Variants in SLC22A15 observed in about 807,000 individuals in gnomAD.
SLC22A15 encodes flipt 1.
In SLC22A15, 45 loss-of-function variants were observed where a neutral mutation model predicts 62.7. The ratio of observed to expected loss-of-function variants is 0.72; its 90% CI spans 0.56 to 0.92. The LOEUF (loss-of-function observed/expected upper bound fraction) is 0.92. SLC22A15 is among the 40% of genes least tolerant of loss of function. SLC22A15 has a pLI of 0.00. For missense variants in SLC22A15, 622 were observed against 665.6 expected (o/e 0.93, Z 0.72); for synonymous variants, 264 against 267.0 (o/e 0.99, Z 0.11).
intron 9 of SLC22A15, 33 bp from the exon 10 acceptor site, chr1:116,064,403 A>G: frequency 6.5e-7 from 1 of 1,549,608 alleles, no homozygotes; most frequent in African/African-American, 1.4e-5. Flanking sequence ...CTCCGCTAGA[A>G]CTTACTGATG....
chr1:116,017,065 G>A (rs1205517894), intron 2 of SLC22A15, among the ~76,000 whole-genome samples: 1 of 152,154 alleles, frequency 6.6e-6, no homozygotes, highest in African/African-American at 2.4e-5. Flanking sequence ...ATGCCCACCT[G>A]CTTCACTGGC....
chr1:116,063,019 G>T, intron 9 of SLC22A15, 137 bp downstream of exon 9: 1 of 1,143,554 alleles, frequency 8.7e-7, no homozygotes, highest in African/African-American at 1.5e-5. Context: ...AGCAGTTTAG[G>T]GTGAGAGCTT....
intron 1 of SLC22A15, among the ~76,000 whole-genome samples, chr1:115,986,816 G>A (rs1654887209): frequency 6.6e-6 from 1 of 152,164 alleles, no homozygotes; most frequent in Non-Finnish European, 1.5e-5. Context: ...ACTGAAGATG[G>A]GTTAATATGA....
At chr1:116,003,713 T>C (rs2101154626) in intron 2 of SLC22A15, among the ~76,000 whole-genome samples, 1 of 152,316 alleles carries the variant, frequency 6.6e-6, no homozygotes, top group East Asian at 1.9e-4. Flanking sequence ...GGAAGGGTAG[T>C]GTCAGCAATT....
At chr1:115,978,408 A>G (rs1361563416) in intron 1 of SLC22A15, among the ~76,000 whole-genome samples, 2 of 152,220 alleles carry the variant, frequency 1.3e-5, no homozygotes, top group African/African-American at 2.4e-5. Context: ...TTCCAAGCCC[A>G]TGCCTATGAC....
intron 10 of SLC22A15, among the ~76,000 whole-genome samples, chr1:116,064,803 ACTTCTGC>A (rs1014880260): frequency 4.6e-5 from 7 of 152,234 alleles, no homozygotes; most frequent in Non-Finnish European, 8.8e-5. Flanking sequence ...TATGTATGAC[ACTTCTGC>A]TGTGTGCTGG....
At position 116,040,719 on chromosome 1, in the gene SLC22A15, C is replaced by T. The variant is rs575512628; in HGVS notation, c.1171+3331C>T. ...GCAGCCTTGACCTCTTGGGCTCAAG[C>T]AGTCTTACCACCTCAGTCTCCTGAG... is the stretch of plus-strand genomic sequence containing the variant. On this transcript the variant is annotated intron_variant, in intron 8 of 11. Coordinates refer to ENST00000369503, the MANE Select transcript of SLC22A15 (RefSeq NM_018420.3). Among the ~76,000 whole-genome samples, 12 of 152,280 alleles carry T rather than the reference C, an allele frequency of 7.9e-5. 1 individual carries two copies. The East Asian group carries it at 1.2e-3, about 15-fold the overall frequency.
chr1:116,044,056 A>G (rs986730041), intron 8 of SLC22A15, among the ~76,000 whole-genome samples: 1 of 152,224 alleles, frequency 6.6e-6, no homozygotes, highest in Non-Finnish European at 1.5e-5. Flanking sequence ...ACACTTTTCC[A>G]GAAAATAAAG....
intron 1 of SLC22A15, among the ~76,000 whole-genome samples, chr1:115,986,880 A>G (rs1055725745): frequency 2.0e-5 from 3 of 152,230 alleles, no homozygotes; most frequent in African/African-American, 7.2e-5. Flanking sequence ...AACTGGAAGA[A>G]AACGAAACAG....
intron 8 of SLC22A15, among the ~76,000 whole-genome samples, chr1:116,047,602 C>T (rs551322986): frequency 6.6e-6 from 1 of 152,260 alleles, no homozygotes; most frequent in South Asian, 2.1e-4. Context: ...CAGGTAGACT[C>T]ACTGGGTGGC....
At chr1:116,022,952 C>G (rs1377255150) in intron 4 of SLC22A15, among the ~76,000 whole-genome samples, 1 of 152,094 alleles carries the variant, frequency 6.6e-6, no homozygotes, top group East Asian at 1.9e-4. Flanking sequence ...CGAGGTCTTC[C>G]CCAGGGTTTT....
intron 8 of SLC22A15, among the ~76,000 whole-genome samples, chr1:116,038,073 G>T (rs1229863758): frequency 6.6e-6 from 1 of 152,258 alleles, no homozygotes; most frequent in South Asian, 2.1e-4. Flanking sequence ...CACACCTGAG[G>T]TATGACAGTG....
intron 8 of SLC22A15, 21 bp from the exon 9 acceptor site, chr1:116,062,741 C>A (rs2101571987): frequency 6.2e-7 from 1 of 1,613,512 alleles, no homozygotes; most frequent in African/African-American, 1.3e-5. Context: ...GTCTCACAGG[C>A]ATTGCCCTTG....
intron 2 of SLC22A15, among the ~76,000 whole-genome samples, chr1:116,006,380 TAGTTAAAG>T: frequency 6.6e-6 from 1 of 152,184 alleles, no homozygotes; most frequent in Non-Finnish European, 1.5e-5. Flanking sequence ...AAGGGTGAAT[TAGTTAAAG>T]GGAACCCAGG....
intron 2 of SLC22A15, 26 bp downstream of exon 2, chr1:115,992,269 A>G: frequency 3.3e-6 from 5 of 1,524,592 alleles, no homozygotes; most frequent in South Asian, 2.4e-5. Flanking sequence ...TTCAATCACT[A>G]AATAAATGTC....
At chr1:116,040,676 G>A (rs1445382253) in intron 8 of SLC22A15, among the ~76,000 whole-genome samples, 1 of 152,178 alleles carries the variant, frequency 6.6e-6, no homozygotes, top group African/African-American at 2.4e-5. Flanking sequence ...GACTGCAATG[G>A]TGTGGTCATA....
At chr1:116,041,727 G>A (rs961846580) in intron 8 of SLC22A15, among the ~76,000 whole-genome samples, 3 of 152,074 alleles carry the variant, frequency 2.0e-5, no homozygotes, top group African/African-American at 7.2e-5. Flanking sequence ...ATACACAGAG[G>A]GAGAACTCCA....
At chr1:116,064,243 A>T (rs919922024) in intron 9 of SLC22A15, among the ~76,000 whole-genome samples, 193 bp from the exon 10 acceptor site, 2 of 151,528 alleles carry the variant, frequency 1.3e-5, no homozygotes, top group Admixed American at 1.3e-4. Context: ...AGTGGCTTCC[A>T]CATTGGACTG....
At chr1:116,059,353 A>G (rs536593078) in intron 8 of SLC22A15, among the ~76,000 whole-genome samples, 143 of 152,324 alleles carry the variant, frequency 9.4e-4, no homozygotes, top group African/African-American at 3.3e-3. Context: ...CCACACAAAG[A>G]CTTTGATGCA....
Sources: allele counts gnomAD v4.1 joint callset (sites outside exome capture counted in the v4.1 genomes callset), GRCh38; gene constraint gnomAD v4.1.1; transcripts MANE v1.5; gene names NCBI Gene and HGNC (gene_info 2026-07-23, HGNC 2026-07-21).